The following BRWD3 variants were observed in gnomAD, a reference collection of about 807,000 sequenced individuals.
The protein encoded by BRWD3 is bromodomain and WD repeat-containing protein 3.
BRWD3 carries 10 observed loss-of-function variants against 149.7 expected under a neutral mutation model. The observed-to-expected ratio is 0.07, with a 90% CI of 0.04 to 0.11. BRWD3 has a LOEUF of 0.11. Ranked by LOEUF, BRWD3 falls within the 10% of genes least tolerant of loss-of-function variation. The pLI, the probability that BRWD3 is intolerant of heterozygous loss-of-function variation, is 1.00. For synonymous variants in BRWD3, 504 were observed against 456.7 expected (o/e 1.10, Z -1.32); for missense variants, 940 against 1,373.2 (o/e 0.68, Z 4.99).
Position 80,676,251 on chromosome X carries a change from T to C in BRWD3, c.*358A>G. The C allele has an allele frequency of 4.3e-6, 1 of 232,783 alleles. No individual in the cohort carries two copies. The allele number at this position is 232,783 out of a possible 1,213,427, so 19.2% of individuals were successfully genotyped here. ...ACAAAAGCAAAAGAGGGCTATTCTA[T>C]TGAGATAAAAATGTCATGCTACTCT... On this transcript the variant is annotated 3_prime_UTR_variant, in exon 41 of 41. Transcript: ENST00000373275.
At chrX:80,779,328 A>G (rs2074033662) in intron 6 of BRWD3, among the ~76,000 whole-genome samples, 3 of 111,049 alleles carry the variant, frequency 2.7e-5, no homozygotes, top group African/African-American at 9.8e-5. Flanking sequence ...AAAAAAAAGT[A>G]AGAAAATAGA....
At chrX:80,737,131 T>G (rs1347557366) in intron 8 of BRWD3, among the ~76,000 whole-genome samples, 3 of 111,592 alleles carry the variant, frequency 2.7e-5, no homozygotes, top group South Asian at 3.8e-4. Context: ...TAACAACTGA[T>G]GTGCAGTAAA....
At chrX:80,740,363 T>A (rs2073467644) in intron 8 of BRWD3, among the ~76,000 whole-genome samples, 1 of 112,233 alleles carries the variant, frequency 8.9e-6, no homozygotes. Flanking sequence ...AAAAATATTT[T>A]AAGTTATCCA....
At chrX:80,705,359 A>G (rs1160378960) in intron 22 of BRWD3, among the ~76,000 whole-genome samples, 1 of 111,719 alleles carries the variant, frequency 9.0e-6, no homozygotes, top group Admixed American at 9.6e-5. Context: ...TCCAAGGATT[A>G]TAATTATAAT....
At position 80,718,079 on chromosome X, in the gene BRWD3, A is replaced by G. The variant is rs1039602167; in HGVS notation, c.2045-320T>C. 3.6e-5 allele frequency among the ~76,000 whole-genome samples: 4 copies of G among 111,983 alleles called. No homozygotes were observed. In the Admixed American group the frequency reaches 3.8e-4, roughly 11 times the overall value. On this transcript the variant is annotated intron_variant, in intron 18 of 40. Coordinates refer to ENST00000373275, the MANE Select transcript of BRWD3 (RefSeq NM_153252.5). ...ATTTGGAGATTTACAAATGTTTATT[A>G]GTACTAGTTCAGGAAGGAGCTTTTT...
rs1412739549 is a variant in BRWD3, at chrX:80,704,678, C to A, written c.2721G>T (p.Lys907Asn). ...CAAAATAACTTATAAAGTTACAAAC[C>A]TTCTTTCTAGTCTGCTTAGGTTTCT... ...RQKKPKQTRK[K>N]KGGLVSIAGE... Residue 907 changes from lysine to asparagine, a missense_variant and splice_region_variant, in exon 23 of 41, where the codon AAG becomes AAT. This residue lies in a region of BRWD3 where 158 missense variants were observed against 284.0 expected (regional missense o/e 0.56). Transcript: ENST00000373275. 1 of 1,208,848 alleles carries A rather than the reference C, an allele frequency of 8.3e-7. No individual in the cohort carries two copies. Among genetic ancestry groups the A allele is most frequent in the Admixed American group, 2.2e-5 (1 of 45,845 alleles).
intron 6 of BRWD3, among the ~76,000 whole-genome samples, chrX:80,785,470 C>G (rs909495892): frequency 2.7e-5 from 3 of 112,067 alleles, no homozygotes; most frequent in African/African-American, 9.7e-5. Flanking sequence ...AATTAACTCT[C>G]AAATTCCTTC....
chrX:80,714,108 C>G (rs147113308), intron 20 of BRWD3, among the ~76,000 whole-genome samples: 29 of 111,102 alleles, frequency 2.6e-4, no homozygotes, highest in Non-Finnish European at 4.7e-4. Flanking sequence ...AACTAAGAGT[C>G]TGGCATCTTT....
chrX:80,741,668 G>A (rs2073507444), intron 8 of BRWD3, among the ~76,000 whole-genome samples: 1 of 111,312 alleles, frequency 9.0e-6, no homozygotes, highest in Admixed American at 9.5e-5. Context: ...CAGTGATGAT[G>A]AGCAGTTTCT....
intron 6 of BRWD3, among the ~76,000 whole-genome samples, chrX:80,761,077 C>A (rs1317911685): frequency 1.8e-5 from 2 of 110,810 alleles, no homozygotes; most frequent in Non-Finnish European, 3.8e-5. Flanking sequence ...TAGTATTAGA[C>A]CCTCAATATT....
chrX:80,676,838 C>T lies in BRWD3; in HGVS notation c.5180G>A (p.Arg1727His), dbSNP rs144015236. The change falls in exon 41 of 41, where the codon CGT becomes CAT. Residue 1727 changes from arginine to histidine, a missense_variant. By Grantham distance (29) the Arg-to-His change is conservative. Coordinates refer to ENST00000373275, the MANE Select transcript of BRWD3 (RefSeq NM_153252.5). ...GGTATCAAATTCATCATCTGCAATA[C>T]GTGCTCGTTTGGCTCTGGTAGCTCC... Reference protein sequence around the residue: ...SRGATRAKRARIADDEFDTMF... With the variant: ...SRGATRAKRAHIADDEFDTMF... 1.7e-6 allele frequency: 2 copies of T among 1,211,235 alleles called. No homozygotes were observed. The highest frequency in any genetic ancestry group is 1.7e-5 in the African/African-American group (1 of 57,640).
intron 22 of BRWD3, 122 bp downstream of exon 22, chrX:80,707,305 G>T: frequency 1.5e-6 from 1 of 684,438 alleles, no homozygotes. Context: ...TCGGCTTCCA[G>T]CCAATACCTT....
chrX:80,786,203 T>C (rs1288355514), intron 6 of BRWD3, among the ~76,000 whole-genome samples: 10 of 111,609 alleles, frequency 9.0e-5, no homozygotes, highest in Non-Finnish European at 1.9e-5. Flanking sequence ...TTAAATAAAA[T>C]AAATATTTAA....
At chrX:80,769,839 C>T (rs1481057858) in intron 6 of BRWD3, among the ~76,000 whole-genome samples, 1 of 108,381 alleles carries the variant, frequency 9.2e-6, no homozygotes, top group Non-Finnish European at 1.9e-5. Context: ...TCAACAAAAC[C>T]GATAGACCAC....
chrX:80,795,449 A>G (rs1277124131), intron 4 of BRWD3, among the ~76,000 whole-genome samples: 1 of 109,502 alleles, frequency 9.1e-6, no homozygotes, highest in Non-Finnish European at 1.9e-5. Context: ...ACGTATATGT[A>G]TGTGTATATG....
chrX:80,717,562 T>C lies in BRWD3; in HGVS notation c.2231+11A>G. On this transcript the variant is annotated intron_variant, in intron 19 of 40. Transcript: ENST00000373275. ...TTAAATTTTTTTCTAAATGTTACCTTATTGACTCACCTACTAACCCCATTA... is the reference window on the plus strand; with the variant it reads ...TTAAATTTTTTTCTAAATGTTACCTCATTGACTCACCTACTAACCCCATTA... 5 of 1,206,749 alleles carry C rather than the reference T, an allele frequency of 4.1e-6. No individual in the cohort carries two copies. The highest frequency in any genetic ancestry group is 5.6e-6 in the Non-Finnish European group (5 of 890,754).
chrX:80,747,746 G>A (rs1404303808), intron 6 of BRWD3, among the ~76,000 whole-genome samples: 2 of 111,733 alleles, frequency 1.8e-5, no homozygotes, highest in African/African-American at 6.5e-5. Flanking sequence ...CATTGTTAGA[G>A]TATAGAAACA....
At chrX:80,797,691 C>T (rs755195348) in intron 4 of BRWD3, among the ~76,000 whole-genome samples, 1 of 111,966 alleles carries the variant, frequency 8.9e-6, no homozygotes, top group East Asian at 2.8e-4. Flanking sequence ...CTAACTATCC[C>T]TTTAAAGACT....
intron 30 of BRWD3, 68 bp from the exon 31 acceptor site, chrX:80,691,241 T>C: frequency 1.9e-6 from 2 of 1,079,883 alleles, no homozygotes; most frequent in Non-Finnish European, 2.5e-6. Context: ...AACAAACATT[T>C]ATTCATATAT....
Sources: allele counts gnomAD v4.1 joint callset (sites outside exome capture counted in the v4.1 genomes callset), GRCh38; gene constraint gnomAD v4.1.1; regional missense constraint gnomAD v4.1.1; transcripts MANE v1.5; gene names NCBI Gene and HGNC (gene_info 2026-07-23, HGNC 2026-07-21).